The following CEP89 variants were observed in gnomAD, a reference collection of about 807,000 sequenced individuals.
CEP89 encodes centrosomal protein of 89 kDa.
A neutral mutation model predicts 97.6 loss-of-function variants in CEP89; 95 were observed. The ratio of observed to expected loss-of-function variants is 0.97; its 90% confidence interval spans 0.82 to 1.15. The LOEUF is 1.15. CEP89 is among the 50% of genes most tolerant of loss of function. CEP89 has a pLI of 0.00. For synonymous variants in CEP89, 354 were observed against 349.1 expected (o/e 1.01, Z -0.16); for missense variants, 869 against 947.7 (o/e 0.92, Z 1.09).
chr19:32,962,144 T>C (rs141167346), intron 2 of CEP89, among the ~76,000 whole-genome samples: 166 of 152,134 alleles, frequency 1.1e-3, no homozygotes, highest in African/African-American at 3.8e-3. Flanking sequence ...GTAATCCCCA[T>C]GTGTCGAAGG....
chr19:32,927,024 C>T, intron 9 of CEP89, 40 bp from the exon 10 acceptor site: 1 of 1,542,826 alleles, frequency 6.5e-7, no homozygotes. Context: ...TTAAACCACA[C>T]TTCCTCTGAA....
At position 32,964,315 on chromosome 19, in the gene CEP89, G is replaced by A. The variant is rs565560211; in HGVS notation, c.146+2045C>T. ...GCCTCCCCAGTAGCTGGGACTACAG[G>A]AGTGCACCACCACACCCAGCTAATT... On this transcript the variant is annotated intron_variant, in intron 2 of 18. Transcript: ENST00000305768. 3.3e-5 allele frequency among the ~76,000 whole-genome samples: 5 copies of A among 152,242 alleles called. No individual in the cohort carries two copies. The East Asian group carries it at 9.7e-4, about 29-fold the overall frequency.
chr19:32,926,030 C>T (rs1970350291), intron 11 of CEP89, among the ~76,000 whole-genome samples, 160 bp downstream of exon 11: 1 of 152,114 alleles, frequency 6.6e-6, no homozygotes, highest in Non-Finnish European at 1.5e-5. Flanking sequence ...CCCTGCCTCC[C>T]ACCCTGCCAC....
At chr19:32,925,875 A>G (rs1970346647) in intron 11 of CEP89, among the ~76,000 whole-genome samples, 1 of 151,848 alleles carries the variant, frequency 6.6e-6, no homozygotes, top group Non-Finnish European at 1.5e-5. Context: ...GCACCCCAAG[A>G]TCTCAGCCCA....
chr19:32,901,830 G>T (rs1969778220), intron 14 of CEP89, among the ~76,000 whole-genome samples: 1 of 152,076 alleles, frequency 6.6e-6, no homozygotes, highest in East Asian at 1.9e-4. Context: ...TCACTATGTT[G>T]CCCAGGCTGG....
rs538433879 is a variant in CEP89, at chr19:32,956,498, G to A, written c.306-2697C>T. Reference sequence around the variant, plus strand: ...TCCTGCCTCAGCCTCCCAAGCAGCTGGGACTACAGGTGAGCAACACCATGC... The same window carrying A: ...TCCTGCCTCAGCCTCCCAAGCAGCTAGGACTACAGGTGAGCAACACCATGC... On this transcript the variant is annotated intron_variant, in intron 3 of 18. Coordinates refer to ENST00000305768, the MANE Select transcript of CEP89 (RefSeq NM_032816.5). Among the ~76,000 whole-genome samples the A allele has an allele frequency of 1.3e-4, 20 of 151,824 alleles. No homozygotes were observed. The South Asian group carries it at 3.7e-3, about 28-fold the overall frequency.
chr19:32,955,170 A>G (rs1971021012), intron 3 of CEP89, among the ~76,000 whole-genome samples: 3 of 147,292 alleles, frequency 2.0e-5, no homozygotes, highest in East Asian at 2.0e-4. Flanking sequence ...TTGTTTGTTT[A>G]TTTGTATTTT....
chr19:32,968,040 G>C (rs1348278241), intron 1 of CEP89, among the ~76,000 whole-genome samples: 2 of 152,034 alleles, frequency 1.3e-5, no homozygotes, highest in African/African-American at 4.8e-5. Flanking sequence ...GTGAGGGATG[G>C]GCACACCTTC....
chr19:32,884,696 T>C (rs1184995923), intron 17 of CEP89, among the ~76,000 whole-genome samples: 1 of 151,914 alleles, frequency 6.6e-6, no homozygotes, highest in Non-Finnish European at 1.5e-5. Flanking sequence ...TCCTGCAGAG[T>C]TGGGAGTACA....
chr19:32,969,292 G>A (rs1238249905), intron 1 of CEP89: 1 of 152,436 alleles, frequency 6.6e-6, no homozygotes, highest in East Asian at 1.9e-4. Context: ...GCTGAGCCCA[G>A]GGTTTTTATG....
At chr19:32,879,928 G>A (rs1969246018) in intron 18 of CEP89, among the ~76,000 whole-genome samples, 1 of 152,228 alleles carries the variant, frequency 6.6e-6, no homozygotes, top group Admixed American at 6.5e-5. Flanking sequence ...GTGAGGTGGG[G>A]GACCTGAGGA....
intron 4 of CEP89, among the ~76,000 whole-genome samples, chr19:32,950,856 G>A (rs150887663): frequency 2.0e-5 from 3 of 152,180 alleles, no homozygotes; most frequent in East Asian, 3.9e-4. Flanking sequence ...GAACAAACCC[G>A]CCCCTGCTAT....
At chr19:32,925,192 AG>A (rs1296426890) in intron 11 of CEP89, among the ~76,000 whole-genome samples, 1 of 152,098 alleles carries the variant, frequency 6.6e-6, no homozygotes, top group African/African-American at 2.4e-5. Flanking sequence ...TTCCAATTTC[AG>A]GGATCTATAT....
intron 13 of CEP89, among the ~76,000 whole-genome samples, chr19:32,915,967 A>G (rs1417206899): frequency 1.3e-5 from 2 of 151,708 alleles, no homozygotes; most frequent in South Asian, 2.1e-4. Context: ...AATTAACACC[A>G]AAGGCTTTGT....
chr19:32,885,921 C>T, intron 17 of CEP89, among the ~76,000 whole-genome samples: 1 of 152,058 alleles, frequency 6.6e-6, no homozygotes, highest in East Asian at 1.9e-4. Flanking sequence ...CCTTATTGCG[C>T]TGTTATGACA....
chr19:32,965,420 G>T (rs1971260466), intron 2 of CEP89, among the ~76,000 whole-genome samples: 1 of 150,346 alleles, frequency 6.7e-6, no homozygotes, highest in African/African-American at 2.5e-5. Context: ...TTTTGTTTTG[G>T]CCAGGCACAG....
intron 1 of CEP89, chr19:32,969,924 C>T (rs1210884311): frequency 6.6e-6 from 1 of 152,270 alleles, no homozygotes; most frequent in Non-Finnish European, 1.5e-5. Context: ...GCTCCAGTCC[C>T]AACTCATGAG....
intron 16 of CEP89, among the ~76,000 whole-genome samples, chr19:32,893,057 A>T (rs12151322): frequency 0.098 from 14,849 of 152,128 alleles, 916 homozygotes; most frequent in Middle Eastern, 0.17. Context: ...TTGAATGTAA[A>T]TTAATTAAAT....
chr19:32,953,356 C>A (rs184715174), intron 4 of CEP89, among the ~76,000 whole-genome samples: 2 of 151,610 alleles, frequency 1.3e-5, no homozygotes, highest in African/African-American at 4.8e-5. Flanking sequence ...AAGAAAAGAA[C>A]GAGATTGCTA....
Sources: gnomAD v4.1 joint callset for allele counts (sites outside exome capture counted in the v4.1 genomes callset) on GRCh38, gnomAD v4.1.1 for gene constraint, MANE v1.5 for transcripts, NCBI Gene and HGNC (gene_info 2026-07-23, HGNC 2026-07-21) for gene names.